Variants in MDFIC observed in about 807,000 individuals in gnomAD.
MDFIC encodes MyoD family inhibitor domain containing.
In MDFIC, 17 loss-of-function variants were observed where a neutral mutation model predicts 23.2. That is an observed-to-expected ratio of 0.73 (90% CI 0.50 to 1.10). The LOEUF (loss-of-function observed/expected upper bound fraction) is 1.10. Among genes scored for constraint, MDFIC ranks in the 50% least tolerant of loss-of-function variants. The pLI is 0.00. For missense variants in MDFIC, 356 were observed against 316.6 expected, an observed-to-expected ratio of 1.12 and a Z score of -0.95; for synonymous variants, 120 against 115.2, an observed-to-expected ratio of 1.04 and a Z score of -0.27.
intron 3 of MDFIC, among the ~76,000 whole-genome samples, chr7:114,971,683 C>T (rs1371301115): frequency 6.6e-6 from 1 of 152,008 alleles, no homozygotes; most frequent in Non-Finnish European, 1.5e-5. Flanking sequence ...GTTAATTTCT[C>T]TGGATAATAA....
At chr7:114,923,649 A>G in intron 2 of MDFIC, 3 of 1,428,428 alleles carry the variant, frequency 2.1e-6, no homozygotes, top group Non-Finnish European at 2.7e-6. Context: ...AACAAGGTTT[A>G]TAAGAAACAC....
chr7:114,949,289 C>T (rs1225663787), intron 3 of MDFIC, among the ~76,000 whole-genome samples: 1 of 152,070 alleles, frequency 6.6e-6, no homozygotes, highest in Non-Finnish European at 1.5e-5. Flanking sequence ...GACAAGGGCT[C>T]AGTGAGGAGG....
chr7:114,997,321 G>A (rs1338688028), intron 4 of MDFIC, among the ~76,000 whole-genome samples: 10 of 152,136 alleles, frequency 6.6e-5, no homozygotes, highest in Admixed American at 5.2e-4. Flanking sequence ...TGATGCAGGA[G>A]CATGATGTTT....
At chr7:114,931,499 C>T (rs4404841) in intron 2 of MDFIC, among the ~76,000 whole-genome samples, 1 of 152,128 alleles carries the variant, frequency 6.6e-6, no homozygotes, top group African/African-American at 2.4e-5. Context: ...TTCGGTGTGC[C>T]TACAAGGTCC....
chr7:114,988,617 A>G (rs1240974488), intron 4 of MDFIC, among the ~76,000 whole-genome samples: 2 of 152,214 alleles, frequency 1.3e-5, no homozygotes, highest in Non-Finnish European at 2.9e-5. Context: ...CAGGACTGTC[A>G]TTAACATTTT....
rs777780536 is a variant in MDFIC at position 115,015,701 on chromosome 7, C to T, written c.507C>T (p.His169=). 2.5e-6 allele frequency: 4 copies of T among 1,614,194 alleles called. No individual in the cohort carries two copies. Among genetic ancestry groups the T allele is most frequent in the South Asian group, 2.2e-5 (2 of 91,072 alleles). ...CTGAAAATGAAGATTGTTGTGTCCA[C>T]TGTATCCTGGCTTGCTTGTTCTGCG... The part of the protein sequence containing the change: ...TGSSPEDCCV[H]CILACLFCEF... Residue 169 remains histidine, a synonymous_variant, in exon 5 of 5, where the codon CAC becomes CAT. Transcript: ENST00000393486.
chr7:114,980,007 T>A (rs1793390726), intron 4 of MDFIC: 4 of 587,512 alleles, frequency 6.8e-6, no homozygotes, highest in Non-Finnish European at 1.2e-5. Context: ...GAGTGAATAG[T>A]CATTACTTTA....
At chr7:115,011,557 C>T (rs1297628089) in intron 4 of MDFIC, among the ~76,000 whole-genome samples, 2 of 151,966 alleles carry the variant, frequency 1.3e-5, no homozygotes, top group African/African-American at 4.8e-5. Context: ...CTATTTAGAC[C>T]TAAGAACTTA....
chr7:114,983,522 C>T (rs1793453523), intron 4 of MDFIC, among the ~76,000 whole-genome samples: 1 of 146,192 alleles, frequency 6.8e-6, no homozygotes, highest in South Asian at 2.2e-4. Context: ...CTGTGAGTGT[C>T]TGAAGAACTG....
At chr7:114,947,838 A>G (rs891987048) in intron 3 of MDFIC, among the ~76,000 whole-genome samples, 1 of 152,242 alleles carries the variant, frequency 6.6e-6, no homozygotes, top group African/African-American at 2.4e-5. Context: ...AAGAAAATGC[A>G]TATTGTATGC....
chr7:114,946,050 A>G (rs1792637544), intron 3 of MDFIC, among the ~76,000 whole-genome samples: 1 of 152,240 alleles, frequency 6.6e-6, no homozygotes, highest in African/African-American at 2.4e-5. Flanking sequence ...TAAATGTTAC[A>G]GTGAAGCGAC....
intron 4 of MDFIC, among the ~76,000 whole-genome samples, chr7:115,006,017 C>T (rs960748805): frequency 6.6e-6 from 1 of 152,128 alleles, no homozygotes; most frequent in Non-Finnish European, 1.5e-5. Context: ...CCTGTTAGAC[C>T]GCTGTGCTTC....
chr7:114,979,437 A>G, intron 3 of MDFIC, 69 bp from the exon 4 acceptor site: 1 of 1,442,634 alleles, frequency 6.9e-7, no homozygotes. Flanking sequence ...TACTGAATGT[A>G]TTTTCATTAT....
At chr7:114,952,726 C>T (rs1470822051) in intron 3 of MDFIC, among the ~76,000 whole-genome samples, 3 of 152,160 alleles carry the variant, frequency 2.0e-5, no homozygotes, top group African/African-American at 7.2e-5. Context: ...AAGATTCCCA[C>T]CATCTCAAAT....
intron 3 of MDFIC, among the ~76,000 whole-genome samples, chr7:114,949,961 G>C (rs556052633): frequency 1.3e-5 from 2 of 152,304 alleles, no homozygotes; most frequent in East Asian, 1.9e-4. Context: ...TGGCCATTTT[G>C]AGGGGAGCTG....
Position 114,979,559 on chromosome 7 carries a change from G to GA in MDFIC, c.272dup (p.Glu92GlyfsTer29). 6.2e-7 allele frequency: 1 copy of GA among 1,614,052 alleles called. No individual in the cohort carries two copies. Among genetic ancestry groups the GA allele is most frequent in the Non-Finnish European group, 8.5e-7 (1 of 1,179,950 alleles). On this transcript the variant is annotated frameshift_variant, in exon 4 of 5. Transcript: ENST00000393486. LOFTEE classifies it high-confidence loss of function. ...GACTTCAGCCCAGGTGCCAAGTGGT[G>GA]AGGAAATAGGCAAGATAAAGAACGG...
chr7:114,971,063 GCTGT>G (rs1793195161), intron 3 of MDFIC, among the ~76,000 whole-genome samples: 1 of 152,164 alleles, frequency 6.6e-6, no homozygotes. Context: ...TTTTAATAAA[GCTGT>G]CTACTTTTTC....
At chr7:114,935,803 A>G (rs1453631841) in intron 2 of MDFIC, among the ~76,000 whole-genome samples, 1 of 152,098 alleles carries the variant, frequency 6.6e-6, no homozygotes, top group East Asian at 1.9e-4. Context: ...AATAACATAC[A>G]GCTACTCAGA....
rs1018496627 is a variant in MDFIC, at chr7:115,013,880, A to T, written c.494-1808A>T. The T allele has an allele frequency of 5.2e-6, 3 of 578,784 alleles. No homozygotes were observed. In the African/African-American group the frequency reaches 6.1e-5, roughly 12 times the overall value. The allele number at this position is 578,784 out of a possible 1,614,324, so 35.9% of individuals were successfully genotyped here. A position where few individuals can be genotyped will look rare whatever the true frequency, so the allele number is the denominator to read the frequency against. On this transcript the variant is annotated intron_variant, in intron 4 of 4. Transcript: ENST00000393486. ...TTATTCATGTAGGTGGATTTTAGAG[A>T]TCCCCTGAAATGATTGGTTACTACC...
Sources: allele counts gnomAD v4.1 joint callset (sites outside exome capture counted in the v4.1 genomes callset), GRCh38; gene constraint gnomAD v4.1.1; transcripts MANE v1.5; gene names NCBI Gene and HGNC (gene_info 2026-07-23, HGNC 2026-07-21).